Variants in TMEM144 observed in about 807,000 individuals in gnomAD.
TMEM144 encodes the protein transmembrane protein 144.
Under a neutral mutation model 43.6 loss-of-function variants are expected in TMEM144, and 39 were observed. That is an observed-to-expected ratio of 0.90 (90% CI 0.69 to 1.17). The LOEUF (loss-of-function observed/expected upper bound fraction) is 1.17, where lower values mean the gene tolerates loss of function less well. Among genes scored for constraint, TMEM144 ranks in the 50% most tolerant of loss-of-function variants. TMEM144 has a pLI of 0.00. For missense variants in TMEM144, 417 were observed against 411.9 expected (o/e 1.01, Z -0.11); for synonymous variants, 154 against 133.6 (o/e 1.15, Z -1.06).
rs111978774 is a variant in TMEM144 at position 158,247,238 on chromosome 4, T to C, written c.954+2889T>C. Among the ~76,000 whole-genome samples, 853 of 152,046 alleles carry C rather than the reference T, an allele frequency of 5.6e-3. 11 individuals are homozygous for C. The highest frequency in any genetic ancestry group is 0.02 in the African/African-American group (818 of 41,542). Reference sequence around the variant, plus strand: ...AAGCTTTAGTGGTACAGTATGTCTATCAAAACAAAATAGCAATTATATACC... The same window carrying C: ...AAGCTTTAGTGGTACAGTATGTCTACCAAAACAAAATAGCAATTATATACC... On this transcript the variant is annotated intron_variant, in intron 12 of 12. Transcript: ENST00000296529.
chr4:158,221,841 T>C (rs1734523813), intron 6 of TMEM144, among the ~76,000 whole-genome samples: 1 of 152,186 alleles, frequency 6.6e-6, no homozygotes, highest in African/African-American at 2.4e-5. Flanking sequence ...TTCAGTCTTA[T>C]CTGAGATAAC....
chr4:158,253,492 A>G lies in TMEM144; in HGVS notation c.1003A>G (p.Thr335Ala), dbSNP rs1736318859. The change falls in exon 13 of 13, where the codon ACT becomes GCT. Residue 335 changes from threonine (T) to alanine (A), a missense_variant. Coordinates refer to ENST00000296529, the MANE Select transcript of TMEM144 (RefSeq NM_018342.5). ...GATACTTGCATTTTGCATCATCTTG[A>G]CTGGAGCCTTATGCACTGCTTTTTC... ...LMILAFCIIL[T>A]GALCTAFSKI 1 of 1,613,770 alleles carries G rather than the reference A, an allele frequency of 6.2e-7. No individual in the cohort carries two copies. The highest frequency in any genetic ancestry group is 1.1e-5 in the South Asian group (1 of 91,068).
chr4:158,241,561 A>C lies in TMEM144; in HGVS notation c.855A>C (p.Ala285=). 6.2e-7 allele frequency: 1 copy of C among 1,614,064 alleles called. No homozygotes were observed. The highest frequency in any genetic ancestry group is 8.5e-7 in the Non-Finnish European group (1 of 1,179,916). Residue 285 remains alanine, a synonymous_variant, in exon 11 of 13, where the codon GCA becomes GCC. Coordinates refer to ENST00000296529, the MANE Select transcript of TMEM144 (RefSeq NM_018342.5). ...WAIATCCWFI[A]NHSLSAVVSF... Reference sequence around the variant, plus strand: ...TAGCTACCTGCTGTTGGTTCATAGCAAATCACTCTCTGAGTGCTGTGGTCA... The same window carrying C: ...TAGCTACCTGCTGTTGGTTCATAGCCAATCACTCTCTGAGTGCTGTGGTCA...
At chr4:158,228,119 A>C (rs1734867913) in intron 6 of TMEM144, among the ~76,000 whole-genome samples, 1 of 152,224 alleles carries the variant, frequency 6.6e-6, no homozygotes, top group Admixed American at 6.5e-5. Context: ...CAAAGTATCA[A>C]GCAATCCAAG....
chr4:158,239,672 G>T (rs993920093), intron 9 of TMEM144, among the ~76,000 whole-genome samples: 1 of 151,992 alleles, frequency 6.6e-6, no homozygotes, highest in African/African-American at 2.4e-5. Context: ...GTAAAATTAG[G>T]CCTGAGTGCC....
intron 11 of TMEM144, among the ~76,000 whole-genome samples, chr4:158,243,255 G>A (rs1274421354): frequency 6.6e-6 from 1 of 152,154 alleles, no homozygotes; most frequent in Non-Finnish European, 1.5e-5. Context: ...TTGAGGCTTA[G>A]GAACTTACAT....
chr4:158,213,701 A>G (rs1734076870), intron 3 of TMEM144: 1 of 152,190 alleles, frequency 6.6e-6, no homozygotes, highest in African/African-American at 2.4e-5. Flanking sequence ...TGGTGAACAC[A>G]TGTTGGGAAT....
Position 158,235,510 on chromosome 4 carries a change from G to A in TMEM144, c.563+5G>A, listed in dbSNP as rs1735295595. On this transcript the variant is annotated splice_donor_5th_base_variant and intron_variant, in intron 8 of 12. Transcript: ENST00000296529. ...TACAGTACACCACCGCATAGTGTAA[G>A]GAGAGGTTACTTCTTTGCTCTATTA... is the stretch of plus-strand genomic sequence containing the variant. 5.0e-6 allele frequency: 8 copies of A among 1,610,688 alleles called. No homozygotes were observed. In the Admixed American group the frequency reaches 1.2e-4, roughly 24 times the overall value.
chr4:158,220,737 A>G (rs1734468350), intron 6 of TMEM144, among the ~76,000 whole-genome samples: 1 of 152,218 alleles, frequency 6.6e-6, no homozygotes, highest in Admixed American at 6.5e-5. Flanking sequence ...TATTAATAAC[A>G]TTTATGTTCA....
At chr4:158,238,289 T>G (rs969163837) in intron 9 of TMEM144, among the ~76,000 whole-genome samples, 1 of 152,164 alleles carries the variant, frequency 6.6e-6, no homozygotes, top group African/African-American at 2.4e-5. Context: ...CTAAATCAGA[T>G]GGCACAGAAA....
chr4:158,226,740 T>C (rs1023274401), intron 6 of TMEM144, among the ~76,000 whole-genome samples: 2 of 152,206 alleles, frequency 1.3e-5, no homozygotes, highest in Non-Finnish European at 2.9e-5. Flanking sequence ...ATTTTTTCTC[T>C]TTCACAACTT....
At chr4:158,211,141 A>T (rs933205761) in intron 1 of TMEM144, 2 of 152,230 alleles carry the variant, frequency 1.3e-5, no homozygotes, top group Non-Finnish European at 2.9e-5. Flanking sequence ...ATGAAATAAG[A>T]TCACATGCTC....
chr4:158,235,303 G>A, intron 7 of TMEM144, 135 bp from the exon 8 acceptor site: 1 of 823,934 alleles, frequency 1.2e-6, no homozygotes, highest in South Asian at 2.4e-5. Flanking sequence ...AGAGATATCA[G>A]AATGCATAGG....
chr4:158,230,407 G>A (rs1334844344), intron 6 of TMEM144, among the ~76,000 whole-genome samples: 1 of 152,108 alleles, frequency 6.6e-6, no homozygotes, highest in Non-Finnish European at 1.5e-5. Context: ...TCTGATTGCT[G>A]CTGTTACTAG....
intron 8 of TMEM144, among the ~76,000 whole-genome samples, chr4:158,235,856 T>C (rs1735316676): frequency 6.6e-6 from 1 of 152,228 alleles, no homozygotes; most frequent in Non-Finnish European, 1.5e-5. Context: ...TAAACTTGTC[T>C]AGCACTGCAC....
intron 7 of TMEM144, chr4:158,234,232 T>G (rs561658800): frequency 2.0e-5 from 3 of 152,190 alleles, no homozygotes; most frequent in African/African-American, 7.2e-5. Flanking sequence ...GATTATAACA[T>G]CAAGAACACT....
rs766899501 is a variant in TMEM144, at chr4:158,212,693, C to A, written c.26C>A (p.Thr9Asn). 2 of 1,613,590 alleles carry A rather than the reference C, an allele frequency of 1.2e-6. No individual in the cohort carries two copies. The highest frequency in any genetic ancestry group is 1.7e-6 in the Non-Finnish European group (2 of 1,179,824). The change falls in exon 3 of 13, where the codon ACC (threonine) becomes AAC (asparagine). Residue 9 changes from threonine (T) to asparagine (N), a missense_variant. Physicochemically the swap from Thr to Asn is moderately conservative, Grantham distance 65. Coordinates refer to ENST00000296529, the MANE Select transcript of TMEM144 (RefSeq NM_018342.5). Reference protein sequence around the residue: MSNNGADLTFGYISCFVAI... With the variant: MSNNGADLNFGYISCFVAI... ...ATGAGCAACAATGGAGCAGACCTAA[C>A]CTTTGGTTACATCTCCTGTTTTGTA...
chr4:158,242,608 G>A (rs1735685976), intron 11 of TMEM144, among the ~76,000 whole-genome samples: 2 of 152,104 alleles, frequency 1.3e-5, no homozygotes, highest in East Asian at 3.9e-4. Flanking sequence ...TAACTAGACT[G>A]AGTTCCTTGA....
chr4:158,219,924 G>T (rs1734427641), intron 6 of TMEM144, among the ~76,000 whole-genome samples: 1 of 152,144 alleles, frequency 6.6e-6, no homozygotes, highest in Non-Finnish European at 1.5e-5. Flanking sequence ...TTGCATCTGT[G>T]TCTAGCTGTA....
Sources: gnomAD v4.1 joint callset for allele counts (sites outside exome capture counted in the v4.1 genomes callset) on GRCh38, gnomAD v4.1.1 for gene constraint, MANE v1.5 for transcripts, NCBI Gene and HGNC (gene_info 2026-07-23, HGNC 2026-07-21) for gene names.